Variants in GPC5 observed in about 807,000 individuals in gnomAD.
GPC5 encodes glypican-5.
Under a neutral mutation model 53.9 loss-of-function variants are expected in GPC5, and 47 were observed. The observed-to-expected ratio is 0.87, with a 90% CI of 0.69 to 1.11. GPC5 has a LOEUF of 1.11. Among genes scored for constraint, GPC5 ranks in the 50% most tolerant of loss-of-function variants. The pLI is 0.00. For missense variants in GPC5, 748 were observed against 713.1 expected (o/e 1.05, Z -0.56); for synonymous variants, 286 against 263.3 (o/e 1.09, Z -0.84).
At chr13:92,411,611 T>A (rs760163918) in intron 7 of GPC5, among the ~76,000 whole-genome samples, 2 of 152,142 alleles carry the variant, frequency 1.3e-5, no homozygotes, top group Non-Finnish European at 2.9e-5. Flanking sequence ...TTGCAATGTG[T>A]GTGTTTTAAA....
chr13:92,087,201 C>G (rs755053897), intron 6 of GPC5, among the ~76,000 whole-genome samples: 3 of 152,172 alleles, frequency 2.0e-5, no homozygotes, highest in Non-Finnish European at 4.4e-5. Flanking sequence ...CTTTAATGCC[C>G]TGATCCTGAG....
intron 6 of GPC5, among the ~76,000 whole-genome samples, chr13:92,051,199 C>CT (rs72346282): frequency 0.01 from 774 of 73,846 alleles, 21 homozygotes; most frequent in Middle Eastern, 0.036. Context: ...TCATTTTTTT[C>CT]TTTTTTTTTT....
At chr13:91,441,784 A>T (rs752950264) in intron 1 of GPC5, among the ~76,000 whole-genome samples, 16 of 152,208 alleles carry the variant, frequency 1.1e-4, no homozygotes, top group Non-Finnish European at 1.2e-4. Flanking sequence ...TACAAAGAAG[A>T]TAGTCTCCAA....
chr13:92,139,539 C>A (rs890845285), intron 6 of GPC5, among the ~76,000 whole-genome samples: 1 of 151,878 alleles, frequency 6.6e-6, no homozygotes, highest in African/African-American at 2.4e-5. Context: ...TGGTGGCATG[C>A]GCCTGCAGTC....
chr13:91,912,908 A>G (rs891846221), intron 6 of GPC5, among the ~76,000 whole-genome samples: 15 of 152,166 alleles, frequency 9.9e-5, no homozygotes, highest in Non-Finnish European at 1.9e-4. Context: ...AAAGCTAACA[A>G]GAAGTGTCAG....
At chr13:92,842,783 G>C (rs1650506845) in intron 7 of GPC5, among the ~76,000 whole-genome samples, 1 of 151,732 alleles carries the variant, frequency 6.6e-6, no homozygotes, top group Non-Finnish European at 1.5e-5. Context: ...AAAAACATCT[G>C]ATGCCCTGAA....
chr13:91,473,719 T>C (rs76746429), intron 2 of GPC5, among the ~76,000 whole-genome samples: 3,479 of 152,232 alleles, frequency 0.023, 122 homozygotes, highest in African/African-American at 0.078. Flanking sequence ...ATTTATACTC[T>C]AAGAATAGTA....
intron 2 of GPC5, among the ~76,000 whole-genome samples, chr13:91,624,949 TA>T (rs887988591): frequency 6.6e-6 from 1 of 151,580 alleles, no homozygotes; most frequent in Admixed American, 6.6e-5. Flanking sequence ...TTTTCTTTTT[TA>T]AAAAAAATTA....
chr13:92,199,177 A>T (rs2042277391), intron 7 of GPC5, among the ~76,000 whole-genome samples: 1 of 152,218 alleles, frequency 6.6e-6, no homozygotes. Flanking sequence ...CTTCTGTAAA[A>T]CATGCATATG....
rs528696347 is a variant in GPC5, at chr13:92,708,558, T to C, written c.1562-157724T>C. 3.5e-4 allele frequency among the ~76,000 whole-genome samples: 54 copies of C among 152,290 alleles called. 1 individual carries two copies. Among genetic ancestry groups the C allele is most frequent in the African/African-American group, 1.2e-3 (51 of 41,568 alleles). Reference sequence around the variant, plus strand: ...GTCAAAAGTCTTTGACTTTTCCTGATAGTGTTTATAAGAAATACAGCTCTA... The same window carrying C: ...GTCAAAAGTCTTTGACTTTTCCTGACAGTGTTTATAAGAAATACAGCTCTA... On this transcript the variant is annotated intron_variant, in intron 7 of 7. Coordinates refer to ENST00000377067, the MANE Select transcript of GPC5 (RefSeq NM_004466.6).
intron 7 of GPC5, among the ~76,000 whole-genome samples, chr13:92,182,737 T>C (rs776156865): frequency 9.9e-5 from 15 of 151,872 alleles, no homozygotes; most frequent in Non-Finnish European, 1.8e-4. Context: ...GGCGCGGTGG[T>C]GGGCGCCTGC....
At chr13:91,866,042 T>C (rs1408926247) in intron 5 of GPC5, among the ~76,000 whole-genome samples, 1 of 152,154 alleles carries the variant, frequency 6.6e-6, no homozygotes, top group Non-Finnish European at 1.5e-5. Flanking sequence ...TAATTTTGTA[T>C]TTTTAGTAGA....
chr13:91,514,458 G>A (rs967471469), intron 2 of GPC5, among the ~76,000 whole-genome samples: 12 of 151,966 alleles, frequency 7.9e-5, no homozygotes, highest in South Asian at 2.1e-4. Flanking sequence ...TGAAATACCC[G>A]TTCATGTCCT....
chr13:91,459,677 T>TG (rs1881804505), intron 2 of GPC5, among the ~76,000 whole-genome samples: 1 of 151,974 alleles, frequency 6.6e-6, no homozygotes, highest in Admixed American at 6.6e-5. Context: ...AGGAGGAAAT[T>TG]GGTGGTGTGA....
intron 2 of GPC5, among the ~76,000 whole-genome samples, chr13:91,503,753 C>A (rs1161534565): frequency 6.8e-6 from 1 of 147,276 alleles, no homozygotes; most frequent in East Asian, 2.0e-4. Context: ...GCACTCCAGC[C>A]TGGGGACAGA....
intron 7 of GPC5, among the ~76,000 whole-genome samples, chr13:92,173,334 A>G (rs73622771): frequency 0.025 from 3,843 of 152,242 alleles, 153 homozygotes; most frequent in African/African-American, 0.087. Flanking sequence ...TTTTTAGGAA[A>G]TGAAGTCCTT....
chr13:92,610,030 C>CAAAAAAAAAAAAAAAAAAAAA (rs56913637), intron 7 of GPC5, among the ~76,000 whole-genome samples: 1 of 70,838 alleles, frequency 1.4e-5, no homozygotes, highest in Non-Finnish European at 2.5e-5. Flanking sequence ...GACTCCATCT[C>CAAAAAAAAAAAAAAAAAAAAA]AAAAAAAAAA....
intron 7 of GPC5, among the ~76,000 whole-genome samples, chr13:92,412,676 C>G (rs1400333174): frequency 6.6e-6 from 1 of 152,180 alleles, no homozygotes; most frequent in Non-Finnish European, 1.5e-5. Flanking sequence ...GTAGTTGAGA[C>G]AGAGACAGAC....
intron 7 of GPC5, among the ~76,000 whole-genome samples, chr13:92,327,336 T>C (rs1034914472): frequency 1.3e-5 from 2 of 152,312 alleles, no homozygotes; most frequent in Non-Finnish European, 1.5e-5. Context: ...TTTCAACTCT[T>C]TTCTGTTCTC....
Sources: gnomAD v4.1 joint callset for allele counts (sites outside exome capture counted in the v4.1 genomes callset) on GRCh38, gnomAD v4.1.1 for gene constraint, MANE v1.5 for transcripts, NCBI Gene and HGNC (gene_info 2026-07-23, HGNC 2026-07-21) for gene names.